RBBP6: variants seen among roughly 807,000 people sequenced by gnomAD.
RBBP6 encodes RB binding protein 6, ubiquitin ligase.
A neutral mutation model predicts 167.7 loss-of-function variants in RBBP6; 25 were observed. The ratio of observed to expected loss-of-function variants is 0.15; its 90% confidence interval spans 0.11 to 0.21. The LOEUF is 0.21. RBBP6 is among the 10% of genes least tolerant of loss of function. The pLI is 1.00. For missense variants in RBBP6, 1,868 were observed against 2,134.2 expected, an observed-to-expected ratio of 0.88 and a Z score of 2.46; for synonymous variants, 789 against 735.8, an observed-to-expected ratio of 1.07 and a Z score of -1.17.
At position 24,561,946 on chromosome 16, in the gene RBBP6, G is replaced by A; in HGVS notation, c.1074G>A (p.Met358Ile). The A allele has an allele frequency of 6.2e-7, 1 of 1,612,046 alleles. No individual in the cohort carries two copies. Among genetic ancestry groups the A allele is most frequent in the South Asian group, 1.1e-5 (1 of 90,998 alleles). The change falls in exon 10 of 18, where the codon ATG becomes ATA. Residue 358 changes from methionine to isoleucine, a missense_variant. Met to Ile is a conservative substitution (Grantham distance 10). This residue lies in a region of RBBP6 where 245 missense variants were observed against 240.1 expected (regional missense o/e 1.02). Coordinates refer to ENST00000319715, the MANE Select transcript of RBBP6 (RefSeq NM_006910.5). ...PLIQRNLQPL[M>I]RSPISRQQDP... ...TTCAGAGGAACCTACAACCTCTGAT[G>A]AGATCTCCGATATCAAGACAACAAG...
chr16:24,543,079 C>A (rs1424038718), intron 1 of RBBP6, among the ~76,000 whole-genome samples: 3 of 152,126 alleles, frequency 2.0e-5, no homozygotes, highest in African/African-American at 7.2e-5. Flanking sequence ...GAAATAGTAT[C>A]CAATGTCACA....
chr16:24,558,559 T>C (rs1168682753), intron 7 of RBBP6: 1 of 867,034 alleles, frequency 1.2e-6, no homozygotes. Flanking sequence ...ACAGCCGAGA[T>C]TCTTTCATTT....
Position 24,548,925 on chromosome 16 carries a change from G to T in RBBP6, c.267-20G>T. 6.3e-7 allele frequency: 1 copy of T among 1,585,156 alleles called. No homozygotes were observed. The highest frequency in any genetic ancestry group is 8.6e-7 in the Non-Finnish European group (1 of 1,161,348). On this transcript the variant is annotated intron_variant, in intron 2 of 17. Coordinates refer to ENST00000319715, the MANE Select transcript of RBBP6 (RefSeq NM_006910.5). ...TCATAAATAGCTAATGTTAATTTTT[G>T]TTTTTATTTTGTGTTTTAGAAGTCG... is the stretch of plus-strand genomic sequence containing the variant.
chr16:24,542,972 G>C (rs920769816), intron 1 of RBBP6, among the ~76,000 whole-genome samples: 1 of 149,916 alleles, frequency 6.7e-6, no homozygotes, highest in Non-Finnish European at 1.5e-5. Context: ...GGTTTGTTAA[G>C]AAAAGGGAGC....
At position 24,571,376 on chromosome 16, in the gene RBBP6, A is replaced by G; in HGVS notation, c.4310A>G (p.Gln1437Arg). The change falls in exon 18 of 18, where the codon CAA (glutamine) becomes CGA (arginine). Residue 1437 changes from glutamine (Q) to arginine (R), a missense_variant. This residue lies in a region of RBBP6 where 591 missense variants were observed against 540.5 expected (regional missense o/e 1.09). Coordinates refer to ENST00000319715, the MANE Select transcript of RBBP6 (RefSeq NM_006910.5). ...AGTAATTTGGACCGTCTGAATGAAC[A>G]AGGAAATTTTAAAAGTCTGTCTCAA... ...KESNLDRLNE[Q>R]GNFKSLSQSS... 1 of 1,614,078 alleles carries G rather than the reference A, an allele frequency of 6.2e-7. No individual in the cohort carries two copies. Among genetic ancestry groups the G allele is most frequent in the Non-Finnish European group, 8.5e-7 (1 of 1,180,018 alleles).
Position 24,546,169 on chromosome 16 carries a change from C to G in RBBP6, c.173C>G (p.Thr58Ser). Residue 58 changes from threonine (T) to serine (S), a missense_variant, in exon 2 of 18, where the codon ACT becomes AGT. Thr to Ser is a moderately conservative substitution (Grantham distance 58, BLOSUM62 1). Around this residue, in one of 7 missense-constraint regions of RBBP6, gnomAD observed 184 missense variants for 327.7 expected, o/e 0.56. Transcript: ENST00000319715. Reference protein sequence around the residue: ...ITNAQTKEEYTDDNALIPKNS... With the variant: ...ITNAQTKEEYSDDNALIPKNS... ...TCTGTCTTTTTATTTACAGAATATA[C>G]TGATGATAATGCTCTGATTCCTAAG... The G allele has an allele frequency of 6.3e-7, 1 of 1,581,308 alleles. No homozygotes were observed. Among genetic ancestry groups the G allele is most frequent in the African/African-American group, 1.4e-5 (1 of 72,956 alleles).
chr16:24,559,366 A>T (rs1211988117), intron 7 of RBBP6, 139 bp from the exon 8 acceptor site: 1 of 567,400 alleles, frequency 1.8e-6, no homozygotes, highest in Non-Finnish European at 2.9e-6. Flanking sequence ...TTACTCCCTT[A>T]TTTTAGAAGA....
Position 24,563,266 on chromosome 16 carries a change from A to G in RBBP6, c.1357A>G (p.Ile453Val), listed in dbSNP as rs1252027494. ...ASEHSKGTSS[I>V]AITALMEEKG... ...AGAGCACTCAAAGGGAACCTCCTCA[A>G]TTGCAATTACCGCTCTTATGGAAGA... The change falls in exon 11 of 18, where the codon ATT becomes GTT. Residue 453 changes from isoleucine to valine, a missense_variant. This residue lies in a region of RBBP6 where 245 missense variants were observed against 240.1 expected (regional missense o/e 1.02). Transcript: ENST00000319715. 3.7e-6 allele frequency: 6 copies of G among 1,611,080 alleles called. No homozygotes were observed. The highest frequency in any genetic ancestry group is 3.3e-5 in the South Asian group (3 of 90,162).
chr16:24,569,867 T>C lies in RBBP6; in HGVS notation c.3177T>C (p.Ile1059=). ...RERSPRSEPP[I]KKAKEETPKT... ...GATCTCCTCGATCTGAACCTCCAAT[T>C]AAAAAAGCCAAAGAGGAGACTCCGA... Residue 1059 remains isoleucine, a synonymous_variant, in exon 17 of 18, where the codon ATT becomes ATC. Coordinates refer to ENST00000319715, the MANE Select transcript of RBBP6 (RefSeq NM_006910.5). 1 of 1,610,148 alleles carries C rather than the reference T, an allele frequency of 6.2e-7. No individual in the cohort carries two copies. The highest frequency in any genetic ancestry group is 8.5e-7 in the Non-Finnish European group (1 of 1,179,126).
chr16:24,560,868 C>T (rs1225511638), intron 8 of RBBP6, among the ~76,000 whole-genome samples: 2 of 152,160 alleles, frequency 1.3e-5, no homozygotes, highest in African/African-American at 4.8e-5. Context: ...CAGACGTTAT[C>T]TTCAGAGGGT....
chr16:24,552,538 A>G (rs1188749267), intron 3 of RBBP6, among the ~76,000 whole-genome samples: 1 of 151,914 alleles, frequency 6.6e-6, no homozygotes, highest in African/African-American at 2.4e-5. Context: ...AACTGATATT[A>G]AAATCATTTC....
intron 3 of RBBP6, 123 bp from the exon 4 acceptor site, chr16:24,553,390 A>G (rs1187780551): frequency 1.4e-6 from 1 of 714,262 alleles, no homozygotes; most frequent in Non-Finnish European, 2.4e-6. Context: ...CAAGCTTAAC[A>G]TTCTTTAGAA....
At chr16:24,565,842 G>T (rs1305439193) in intron 14 of RBBP6, among the ~76,000 whole-genome samples, 6 of 152,246 alleles carry the variant, frequency 3.9e-5, no homozygotes, top group Admixed American at 3.9e-4. Flanking sequence ...TGATGGGGGA[G>T]GATTGCTTGA....
chr16:24,565,487 GC>G, intron 14 of RBBP6, among the ~76,000 whole-genome samples: 1 of 152,324 alleles, frequency 6.6e-6, no homozygotes. Context: ...CAGCAGCTGA[GC>G]GAGCATTACC....
At position 24,569,369 on chromosome 16, in the gene RBBP6, C is replaced by T. The variant is rs200841613; in HGVS notation, c.2679C>T (p.Asn893=). Reference sequence around the variant, plus strand: ...GTGGGCAAAGTCATAGAAGTCGAAACATAGGTAGCAACTATCCAGAAAAGC... The same window carrying T: ...GTGGGCAAAGTCATAGAAGTCGAAATATAGGTAGCAACTATCCAGAAAAGC... ...YVGGQSHRSR[N]IGSNYPEKLS... is the part of the protein sequence containing the mutation. The change falls in exon 17 of 18, where the codon AAC becomes AAT. Residue 893 remains asparagine, a synonymous_variant. Coordinates refer to ENST00000319715, the MANE Select transcript of RBBP6 (RefSeq NM_006910.5). The T allele has an allele frequency of 9.3e-6, 15 of 1,614,064 alleles. No homozygotes were observed. The Admixed American group carries it at 2.2e-4, about 23-fold the overall frequency.
chr16:24,540,532 T>G lies in RBBP6; in HGVS notation c.-95T>G. On this transcript the variant is annotated 5_prime_UTR_variant, in exon 1 of 18. Transcript: ENST00000319715. ...AGGGTCCTTCGGTGTCTTTGAGTGT[T>G]TTGTGTGTACATATTTTGCTCTTAA... 1 of 1,300,550 alleles carries G rather than the reference T, an allele frequency of 7.7e-7. No individual in the cohort carries two copies. 80.6% of individuals were successfully genotyped at this position (1,300,550 alleles called of 1,614,324 possible).
At position 24,572,703 on chromosome 16, in the gene RBBP6, G is replaced by A. The variant is rs1018071663; in HGVS notation, c.*258G>A. On this transcript the variant is annotated 3_prime_UTR_variant, in exon 18 of 18. Coordinates refer to ENST00000319715, the MANE Select transcript of RBBP6 (RefSeq NM_006910.5). ...TTAACCACCATTAATTAGTTGGGGT[G>A]GAGTTTACTGTAATGTGAAATTTTC... The A allele has an allele frequency of 2.6e-5, 9 of 349,774 alleles. No individual in the cohort carries two copies. The highest frequency in any genetic ancestry group is 4.5e-5 in the Non-Finnish European group (9 of 199,802). 21.7% of individuals were successfully genotyped at this position (349,774 alleles called of 1,614,324 possible).
chr16:24,564,896 C>G, intron 14 of RBBP6, 31 bp downstream of exon 14: 1 of 1,589,766 alleles, frequency 6.3e-7, no homozygotes, highest in South Asian at 1.1e-5. Flanking sequence ...GGAAAATAAT[C>G]ATCTTATTTT....
At chr16:24,562,829 G>A (rs1489871439) in intron 10 of RBBP6, among the ~76,000 whole-genome samples, 5 of 152,146 alleles carry the variant, frequency 3.3e-5, no homozygotes, top group Admixed American at 3.3e-4. Flanking sequence ...GGCCCAGAGA[G>A]TTCTATGGCT....
Sources: allele counts gnomAD v4.1 joint callset (sites outside exome capture counted in the v4.1 genomes callset), GRCh38; gene constraint gnomAD v4.1.1; regional missense constraint gnomAD v4.1.1; transcripts MANE v1.5; gene names NCBI Gene and HGNC (gene_info 2026-07-23, HGNC 2026-07-21).